The following EYS variants were observed in gnomAD, a reference collection of about 807,000 sequenced individuals.
EYS encodes the protein protein eyes shut homolog.
EYS carries 250 observed loss-of-function variants against 282.1 expected under a neutral mutation model. The observed-to-expected ratio is 0.89, with a 90% CI of 0.80 to 0.98. The LOEUF is 0.98. Among genes scored for constraint, EYS ranks in the 50% least tolerant of loss-of-function variants. EYS has a pLI of 0.00. For synonymous variants in EYS, 1,355 were observed against 1,282.9 expected (o/e 1.06, Z -1.20); for missense variants, 4,016 against 3,709.0 (o/e 1.08, Z -2.15).
At chr6:64,658,924 A>G (rs1184471438) in intron 22 of EYS, among the ~76,000 whole-genome samples, 1 of 152,234 alleles carries the variant, frequency 6.6e-6, no homozygotes, top group African/African-American at 2.4e-5. Context: ...CCCCAAATCA[A>G]CAGAATATAC....
intron 15 of EYS, among the ~76,000 whole-genome samples, chr6:64,918,722 A>C (rs1768240782): frequency 6.6e-6 from 1 of 152,218 alleles, no homozygotes. Context: ...CTTCACATTC[A>C]CTATTGGAAA....
intron 35 of EYS, among the ~76,000 whole-genome samples, chr6:63,976,281 A>G (rs1411643223): frequency 6.6e-6 from 1 of 152,036 alleles, no homozygotes; most frequent in Non-Finnish European, 1.5e-5. Context: ...TACAAAAACA[A>G]AAGTAATTGT....
chr6:64,858,847 A>G (rs1205605479), intron 19 of EYS, among the ~76,000 whole-genome samples: 1 of 152,192 alleles, frequency 6.6e-6, no homozygotes, highest in East Asian at 1.9e-4. Context: ...CAACACAGTT[A>G]AGGTCAAATA....
rs1765278601 is a variant in EYS, at chr6:65,592,857, T to C, written c.-333+46921A>G. Reference sequence around the variant, plus strand: ...CAGTACAACATGTTTATAATTAAAATGAATGAAACTTAACATTGGCTTTAT... The same window carrying C: ...CAGTACAACATGTTTATAATTAAAACGAATGAAACTTAACATTGGCTTTAT... On this transcript the variant is annotated intron_variant, in intron 2 of 42. Coordinates refer to ENST00000503581, the MANE Select transcript of EYS (RefSeq NM_001142800.2). 2.0e-5 allele frequency among the ~76,000 whole-genome samples: 3 copies of C among 152,046 alleles called. 1 individual carries two copies. Among genetic ancestry groups the C allele is most frequent in the Admixed American group, 6.6e-5 (1 of 15,208 alleles).
At chr6:65,031,093 C>G (rs1030660850) in intron 13 of EYS, among the ~76,000 whole-genome samples, 4 of 150,182 alleles carry the variant, frequency 2.7e-5, no homozygotes, top group Admixed American at 6.7e-5. Flanking sequence ...AAGACATAAC[C>G]ATTCTAAACA....
At chr6:65,579,056 C>T (rs562681407) in intron 2 of EYS, among the ~76,000 whole-genome samples, 20 of 152,232 alleles carry the variant, frequency 1.3e-4, no homozygotes, top group South Asian at 1.0e-3. Context: ...TTTGCTCTGA[C>T]TGGATTAAGT....
Position 64,813,397 on chromosome 6 carries a change from C to G in EYS, c.3424G>C (p.Gly1142Arg). The change falls in exon 22 of 43, where the codon GGA (glycine) becomes CGA (arginine). Residue 1142 changes from glycine (G) to arginine (R), a missense_variant. Physicochemically the swap from Gly to Arg is moderately radical, Grantham distance 125 (BLOSUM62 -2). Coordinates refer to ENST00000503581, the MANE Select transcript of EYS (RefSeq NM_001142800.2). ...LNGGICVDGP[G>R]HTFDCRCLPG... ...ACTGACCTGCAGTCAAAAGTATGTC[C>G]AGGCCCATCAACACAGATCCCTCCA... is the stretch of plus-strand genomic sequence containing the variant. The G allele has an allele frequency of 6.5e-7, 1 of 1,546,978 alleles. No homozygotes were observed. Among genetic ancestry groups the G allele is most frequent in the Non-Finnish European group, 8.7e-7 (1 of 1,144,430 alleles).
intron 2 of EYS, among the ~76,000 whole-genome samples, chr6:65,499,118 C>T (rs898361174): frequency 9.9e-5 from 15 of 151,954 alleles, no homozygotes; most frequent in African/African-American, 3.6e-4. Context: ...TGAACTGTAT[C>T]ACTTTTATAG....
At chr6:64,172,040 GA>G (rs745459263) in intron 31 of EYS, among the ~76,000 whole-genome samples, 1 of 152,106 alleles carries the variant, frequency 6.6e-6, no homozygotes, top group Non-Finnish European at 1.5e-5. Flanking sequence ...ATACTTGAAT[GA>G]AAATTAGAAT....
chr6:64,117,247 A>G (rs1473292996), intron 31 of EYS, among the ~76,000 whole-genome samples: 1 of 151,990 alleles, frequency 6.6e-6, no homozygotes, highest in Non-Finnish European at 1.5e-5. Context: ...ATTACAGAGG[A>G]AAAACTAGAA....
intron 33 of EYS, among the ~76,000 whole-genome samples, chr6:64,023,817 TGCGGGCCAGCGCGAGTTCCA>T (rs974733564): frequency 1.3e-5 from 2 of 152,130 alleles, no homozygotes; most frequent in Non-Finnish European, 2.9e-5. Flanking sequence ...CCGCGGTGTT[TGCGGGCCAGCGCGAGTTCCA>T]GGTGGGCGTG....
chr6:65,236,066 A>G (rs1766915170), intron 12 of EYS, among the ~76,000 whole-genome samples: 1 of 151,846 alleles, frequency 6.6e-6, no homozygotes, highest in African/African-American at 2.4e-5. Context: ...AAATATTTAT[A>G]GTAATTTGTA....
chr6:64,576,648 A>C (rs1765890271), intron 26 of EYS, among the ~76,000 whole-genome samples: 1 of 152,046 alleles, frequency 6.6e-6, no homozygotes, highest in African/African-American at 2.4e-5. Context: ...AAAATCTTGT[A>C]TTTCTTTTAA....
chr6:63,994,061 T>C (rs1428196205), intron 34 of EYS, among the ~76,000 whole-genome samples: 5 of 151,948 alleles, frequency 3.3e-5, no homozygotes, highest in Non-Finnish European at 7.4e-5. Flanking sequence ...CAAATGGTCT[T>C]CGGAAAACTG....
At chr6:64,119,016 A>C (rs1773483678) in intron 31 of EYS, among the ~76,000 whole-genome samples, 1 of 152,160 alleles carries the variant, frequency 6.6e-6, no homozygotes, top group African/African-American at 2.4e-5. Context: ...TCCAGTTAGA[A>C]TGACTACTAA....
chr6:64,469,973 T>C (rs557347864), intron 26 of EYS, among the ~76,000 whole-genome samples: 1 of 151,402 alleles, frequency 6.6e-6, no homozygotes, highest in African/African-American at 2.4e-5. Context: ...TCTCTCTCCC[T>C]CTCTCTCTCT....
chr6:65,661,595 AG>A (rs1768003525), intron 1 of EYS, among the ~76,000 whole-genome samples: 3 of 152,074 alleles, frequency 2.0e-5, no homozygotes, highest in South Asian at 4.1e-4. Context: ...TGGAAGAGAA[AG>A]GAATTGCATT....
Position 63,778,120 on chromosome 6 carries a change from T to C in EYS, c.7784A>G (p.Asn2595Ser). ...TCCAGCATTTGGGTGGCCCTCAGGA[T>C]TTCCCAGTCCTCTGAAATGGCCATC... ...EKDGHFRGLGNPEGHPNAGRS... is the reference protein window; with the variant it reads ...EKDGHFRGLGSPEGHPNAGRS... The change falls in exon 40 of 43, where the codon AAT becomes AGT. Residue 2595 changes from asparagine (N) to serine (S), a missense_variant. By Grantham distance (46) the Asn-to-Ser change is conservative. Transcript: ENST00000503581. The C allele has an allele frequency of 3.2e-6, 5 of 1,551,836 alleles. No homozygotes were observed. The highest frequency in any genetic ancestry group is 1.2e-5 in the South Asian group (1 of 84,066).
At chr6:63,924,819 T>C (rs987800541) in intron 35 of EYS, among the ~76,000 whole-genome samples, 2 of 152,246 alleles carry the variant, frequency 1.3e-5, no homozygotes, top group African/African-American at 4.8e-5. Flanking sequence ...TGGCTTTTTT[T>C]CCTCTTTGGT....
Sources: allele counts gnomAD v4.1 joint callset (sites outside exome capture counted in the v4.1 genomes callset), GRCh38; gene constraint gnomAD v4.1.1; transcripts MANE v1.5; gene names NCBI Gene and HGNC (gene_info 2026-07-23, HGNC 2026-07-21).